The following RPUSD3 variants were observed in gnomAD, a reference collection of about 807,000 sequenced individuals.
RPUSD3 encodes mitochondrial mRNA pseudouridine synthase RPUSD3.
Under a neutral mutation model 35.1 loss-of-function variants are expected in RPUSD3, and 36 were observed. The ratio of observed to expected loss-of-function variants is 1.02; its 90% confidence interval spans 0.79 to 1.35. The LOEUF is 1.35. Among genes scored for constraint, RPUSD3 ranks in the 40% most tolerant of loss-of-function variants. The probability of loss-of-function intolerance (pLI) is 0.00; values close to 1 mark genes in which losing one functional copy is unlikely to be tolerated. For missense variants in RPUSD3, 486 were observed against 441.9 expected (o/e 1.10, Z -0.89); for synonymous variants, 202 against 187.8 (o/e 1.08, Z -0.62).
rs17050600 is a variant in RPUSD3, at chr3:9,839,357, A to G, written c.725-186T>C. 2.6e-3 allele frequency: 1,536 copies of G among 585,208 alleles called. 20 individuals carry two copies. The highest frequency in any genetic ancestry group is 0.025 in the African/African-American group (1,314 of 53,242). The allele number at this position is 585,208 out of a possible 1,614,324, so 36.3% of individuals were successfully genotyped here. ...ATAACACGTCAGGACGATCACAGCTATCAATCTGCCTGGCTGTGGGATCCA... is the reference window on the plus strand; with the variant it reads ...ATAACACGTCAGGACGATCACAGCTGTCAATCTGCCTGGCTGTGGGATCCA... On this transcript the variant is annotated intron_variant, in intron 7 of 8. Coordinates refer to ENST00000383820, the Ensembl canonical transcript of RPUSD3.
exon 9 of RPUSD3, chr3:9,837,928 T>A: frequency 7.1e-7 from 1 of 1,414,360 alleles, no homozygotes; most frequent in Non-Finnish European, 9.4e-7. Flanking sequence ...AAGTGGCCTG[T>A]CCAGGATGTG....
In RPUSD3 at chr3:9,840,292, C is replaced by A. The variant is rs555491444; in HGVS notation, c.616G>T (p.Ala206Ser). The change falls in exon 7 of 9, where the codon GCC becomes TCC. Residue 206 changes from alanine to serine, a missense_variant. Coordinates refer to ENST00000383820, the Ensembl canonical transcript of RPUSD3. ...TCCAGGATGTCCTTTCGGGATGGGG[C>A]CTTCACTGGAACTGTCTGTGGTGCC... The A allele has an allele frequency of 2.5e-6, 4 of 1,614,122 alleles. No individual in the cohort carries two copies. In the East Asian group the frequency reaches 6.7e-5, roughly 27 times the overall value.
chr3:9,838,301 C>T, intron 8 of RPUSD3, 94 bp from the exon 9 acceptor site: 2 of 1,210,468 alleles, frequency 1.7e-6, no homozygotes, highest in Non-Finnish European at 2.4e-6. Flanking sequence ...CGGGCGCTTC[C>T]TCCATTCCCC....
exon 8 of RPUSD3, chr3:9,839,153 T>C (rs773467053): frequency 6.2e-7 from 1 of 1,611,970 alleles, no homozygotes; most frequent in Non-Finnish European, 8.5e-7. Context: ...CATGTGCACC[T>C]GTAGTTGACT....
chr3:9,838,158 G>A, exon 9 of RPUSD3: 10 of 1,612,236 alleles, frequency 6.2e-6, no homozygotes, highest in South Asian at 1.1e-5. Context: ...CAGCTGGGCA[G>A]CCTGGGAGGG....
exon 8 of RPUSD3, chr3:9,839,053 C>T: frequency 6.2e-7 from 1 of 1,614,200 alleles, no homozygotes; most frequent in Non-Finnish European, 8.5e-7. Context: ...GCTTGTTGTT[C>T]TCAGCTGGCA....
chr3:9,838,703 T>C (rs1428346146), intron 8 of RPUSD3, among the ~76,000 whole-genome samples: 2 of 152,146 alleles, frequency 1.3e-5, no homozygotes, highest in African/African-American at 4.8e-5. Context: ...CTGGGCTTAG[T>C]GTGTTAGAGC....
At position 9,838,218 on chromosome 3, in the gene RPUSD3, A is replaced by G; in HGVS notation, c.865-11T>C. On this transcript the variant is annotated splice_polypyrimidine_tract_variant and intron_variant, in intron 8 of 8. Transcript: ENST00000383820. ...GGCTTCATCCAGGACCTGGAGCGGG[A>G]GAGGTACGTTGTGTTCAGCCCCACA... is the stretch of plus-strand genomic sequence containing the variant. 3 of 1,611,678 alleles carry G rather than the reference A, an allele frequency of 1.9e-6. No individual in the cohort carries two copies. The highest frequency in any genetic ancestry group is 2.5e-6 in the Non-Finnish European group (3 of 1,179,676).
At chr3:9,840,983 TA>T in intron 4 of RPUSD3, 178 bp from the exon 5 acceptor site, 1 of 486,534 alleles carries the variant, frequency 2.1e-6, no homozygotes, top group African/African-American at 2.0e-5. Context: ...CTATGTAGCT[TA>T]ATGTGTTTCT....
intron 7 of RPUSD3, 200 bp downstream of exon 7, chr3:9,839,984 G>T (rs1001033478): frequency 3.2e-5 from 17 of 527,252 alleles, no homozygotes; most frequent in Non-Finnish European, 5.2e-5. Context: ...AGGTTCAAGC[G>T]ATTCTCCTGC....
chr3:9,841,973 T>A lies in RPUSD3; in HGVS notation c.407+10A>T, dbSNP rs1251536569. The A allele has an allele frequency of 6.2e-7, 1 of 1,612,774 alleles. No homozygotes were observed. Among genetic ancestry groups the A allele is most frequent in the South Asian group, 1.1e-5 (1 of 91,026 alleles). Reference sequence around the variant, plus strand: ...TGTACTCCTAGCTTCCTGTCACCCCTACCACTTACTTCCCAGATGCTCGGA... The same window carrying A: ...TGTACTCCTAGCTTCCTGTCACCCCAACCACTTACTTCCCAGATGCTCGGA... On this transcript the variant is annotated intron_variant, in intron 4 of 8. Transcript: ENST00000383820.
chr3:9,842,058 A>T, exon 4 of RPUSD3: 3 of 1,611,716 alleles, frequency 1.9e-6, no homozygotes, highest in Non-Finnish European at 2.5e-6. Flanking sequence ...CAGCACTGAG[A>T]ACAACGTCAG....
chr3:9,840,880 C>G lies in RPUSD3; in HGVS notation c.408-75G>C, dbSNP rs949321529. ...ACTAAAAAGGAAACTCTTAGGAACACTGACCTGCTTCAGGCCAAACACTAA... is the reference window on the plus strand; with the variant it reads ...ACTAAAAAGGAAACTCTTAGGAACAGTGACCTGCTTCAGGCCAAACACTAA... On this transcript the variant is annotated intron_variant, in intron 4 of 8. Transcript: ENST00000383820. The G allele has an allele frequency of 3.3e-5, 36 of 1,095,670 alleles. No individual in the cohort carries two copies. In the African/African-American group the frequency reaches 5.2e-4, roughly 16 times the overall value. The allele number at this position is 1,095,670 out of a possible 1,614,324, so 67.9% of individuals were successfully genotyped here.
intron 8 of RPUSD3, 111 bp from the exon 9 acceptor site, chr3:9,838,318 C>T (rs1378812053): frequency 3.0e-6 from 3 of 992,074 alleles, no homozygotes; most frequent in Non-Finnish European, 4.5e-6. Flanking sequence ...CCCCACTGTT[C>T]TGCAACTGTT....
At chr3:9,840,263 A>C (rs1575429036) in exon 7 of RPUSD3, 2 of 1,614,118 alleles carry the variant, frequency 1.2e-6, no homozygotes, top group Middle Eastern at 1.7e-4. Context: ...TCTTCTTGAC[A>C]CCTTCCAGGA....
rs899594913 is a variant in RPUSD3, at chr3:9,843,891, G to A, written c.124C>T (p.Arg42Trp). ...ATGAGAGAGGGGGTACTTAATCACC[G>A]GGCTTCGGTGCCAAAGCCTGCGTCC... Residue 42 changes from arginine (R) to tryptophan (W), a missense_variant and splice_region_variant, in exon 1 of 9, where the codon CGG becomes TGG. Coordinates refer to ENST00000383820, the Ensembl canonical transcript of RPUSD3. 3 of 1,602,930 alleles carry A rather than the reference G, an allele frequency of 1.9e-6. No homozygotes were observed. In the African/African-American group the frequency reaches 4.0e-5, roughly 21 times the overall value.
At chr3:9,842,845 G>A (rs1177499113) in intron 2 of RPUSD3, 2 of 155,254 alleles carry the variant, frequency 1.3e-5, no homozygotes, top group African/African-American at 2.4e-5. Flanking sequence ...GCCTAGGTAT[G>A]TCTGACTCCA....
rs370598358 is a variant in RPUSD3 at position 9,840,627 on chromosome 3, G to T, written c.516-11C>A. The T allele has an allele frequency of 6.2e-7, 1 of 1,613,280 alleles. No individual in the cohort carries two copies. The highest frequency in any genetic ancestry group is 8.5e-7 in the Non-Finnish European group (1 of 1,179,560). The stretch of plus-strand genomic sequence containing the variant: ...CCATCAGTGACAGCACTGAGAAAGG[G>T]GCAGGAGGAGGTCACAGGGTGGCTT... On this transcript the variant is annotated splice_polypyrimidine_tract_variant and intron_variant, in intron 5 of 8. Transcript: ENST00000383820.
In RPUSD3 at chr3:9,841,978, C is replaced by T. The variant is rs1452338835; in HGVS notation, c.407+5G>A. The T allele has an allele frequency of 6.2e-7, 1 of 1,613,684 alleles. No individual in the cohort carries two copies. The highest frequency in any genetic ancestry group is 1.3e-5 in the African/African-American group (1 of 74,918). ...TCCTAGCTTCCTGTCACCCCTACCACTTACTTCCCAGATGCTCGGACAACC... is the reference window on the plus strand; with the variant it reads ...TCCTAGCTTCCTGTCACCCCTACCATTTACTTCCCAGATGCTCGGACAACC... On this transcript the variant is annotated splice_donor_5th_base_variant and intron_variant, in intron 4 of 8. Coordinates refer to ENST00000383820, the Ensembl canonical transcript of RPUSD3.
Sources: allele counts gnomAD v4.1 joint callset (sites outside exome capture counted in the v4.1 genomes callset), GRCh38; gene constraint gnomAD v4.1.1; transcripts MANE v1.5; gene names NCBI Gene and HGNC (gene_info 2026-07-23, HGNC 2026-07-21).